RAB38: variants seen among roughly 807,000 people sequenced by gnomAD.
RAB38 encodes RAB38, member RAS oncogene family, also known as ras-related protein Rab-38.
RAB38 carries 15 observed loss-of-function variants against 18.4 expected under a neutral mutation model. The ratio of observed to expected loss-of-function variants is 0.82; its 90% CI spans 0.55 to 1.26. The LOEUF (loss-of-function observed/expected upper bound fraction) is 1.26. RAB38 is among the 50% of genes most tolerant of loss of function. The probability of loss-of-function intolerance (pLI) is 0.00; values close to 1 mark genes in which losing one functional copy is unlikely to be tolerated. For missense variants in RAB38, 294 were observed against 267.4 expected (o/e 1.10, Z -0.69); for synonymous variants, 101 against 104.4 (o/e 0.97, Z 0.20).
At chr11:88,095,577 G>A in the RAB38 span, among the ~76,000 whole-genome samples, 1 of 151,742 alleles carries the variant, frequency 6.6e-6, no homozygotes, top group Non-Finnish European at 1.5e-5. Context: ...GTCAATCCTT[G>A]AATTCTTTCT....
At chr11:87,916,659 A>G in the RAB38 span, among the ~76,000 whole-genome samples, 2 of 152,148 alleles carry the variant, frequency 1.3e-5, no homozygotes, top group African/African-American at 4.8e-5. Flanking sequence ...TGTTATAGCA[A>G]TACAGAACAG....
chr11:88,125,896 G>A (rs1489081677), intron 2 of RAB38, among the ~76,000 whole-genome samples: 1 of 152,150 alleles, frequency 6.6e-6, no homozygotes, highest in East Asian at 1.9e-4. Context: ...TTTTGTATAA[G>A]GTGTAAGGAA....
chr11:88,143,195 C>A (rs1405189048), intron 2 of RAB38, among the ~76,000 whole-genome samples: 1 of 152,164 alleles, frequency 6.6e-6, no homozygotes, highest in East Asian at 1.9e-4. Context: ...TTAATTGCTT[C>A]ATCTGTGAAC....
the RAB38 span, among the ~76,000 whole-genome samples, chr11:88,011,999 T>A: frequency 1.3e-5 from 2 of 152,184 alleles, no homozygotes; most frequent in Non-Finnish European, 2.9e-5. Context: ...TCTATATCCC[T>A]TCCTTAAGTT....
the RAB38 span, among the ~76,000 whole-genome samples, chr11:87,967,803 A>G: frequency 6.6e-6 from 1 of 152,178 alleles, no homozygotes; most frequent in African/African-American, 2.4e-5. Context: ...TTCGAAAATA[A>G]TGTTGTCTTC....
At chr11:87,941,395 C>G in the RAB38 span, among the ~76,000 whole-genome samples, 1 of 151,358 alleles carries the variant, frequency 6.6e-6, no homozygotes, top group Non-Finnish European at 1.5e-5. Context: ...CTAGTTGGAA[C>G]ATTTTCTTTT....
intron 1 of RAB38, among the ~76,000 whole-genome samples, chr11:88,169,107 G>C (rs565947784): frequency 1.3e-5 from 2 of 152,302 alleles, no homozygotes; most frequent in Admixed American, 1.3e-4. Flanking sequence ...CTGGTCTATG[G>C]CAGTGGGAAA....
chr11:87,919,558 T>G, the RAB38 span, among the ~76,000 whole-genome samples: 1 of 151,330 alleles, frequency 6.6e-6, no homozygotes, highest in African/African-American at 2.4e-5. Flanking sequence ...GGCCTGTAAT[T>G]TTTTTTTTCC....
chr11:87,976,080 CA>C, the RAB38 span, among the ~76,000 whole-genome samples: 1 of 150,236 alleles, frequency 6.7e-6, no homozygotes, highest in African/African-American at 2.4e-5. Flanking sequence ...ATTTCCCCCT[CA>C]AAAAAGTCTG....
chr11:87,961,018 C>T, the RAB38 span, among the ~76,000 whole-genome samples: 2 of 152,166 alleles, frequency 1.3e-5, no homozygotes, highest in East Asian at 1.9e-4. Context: ...AAGTAAAAGG[C>T]AGCTTTAAAC....
the RAB38 span, among the ~76,000 whole-genome samples, chr11:88,028,728 G>A: frequency 4.6e-5 from 7 of 152,194 alleles, no homozygotes; most frequent in Non-Finnish European, 1.0e-4. Flanking sequence ...ATGGGACTAT[G>A]TGAAAAGACC....
At chr11:87,873,152 G>A in the RAB38 span, among the ~76,000 whole-genome samples, 14 of 151,484 alleles carry the variant, frequency 9.2e-5, no homozygotes, top group Non-Finnish European at 8.9e-5. Context: ...TAACAGGTAC[G>A]TAATAATATC....
chr11:87,859,303 A>G, the RAB38 span, among the ~76,000 whole-genome samples: 1 of 152,024 alleles, frequency 6.6e-6, no homozygotes, highest in East Asian at 1.9e-4. Context: ...TTGACTTAAA[A>G]CCTTGGTATG....
chr11:87,951,611 T>TAACA, the RAB38 span, among the ~76,000 whole-genome samples: 5 of 152,208 alleles, frequency 3.3e-5, no homozygotes, highest in African/African-American at 1.2e-4. Flanking sequence ...GTTTTCCTTC[T>TAACA]AACAGACAGG....
the RAB38 span, among the ~76,000 whole-genome samples, chr11:87,821,726 C>T: frequency 2.0e-5 from 3 of 151,820 alleles, no homozygotes; most frequent in Non-Finnish European, 4.4e-5. Flanking sequence ...TGGTGGGTAC[C>T]TGTAATCTCA....
intron 2 of RAB38, among the ~76,000 whole-genome samples, chr11:88,145,014 T>C (rs541222603): frequency 6.6e-6 from 1 of 152,176 alleles, no homozygotes; most frequent in South Asian, 2.1e-4. Context: ...ATGGCTGTTG[T>C]GTGCATCACG....
At chr11:88,161,560 CTTA>C (rs1943189978) in intron 1 of RAB38, among the ~76,000 whole-genome samples, 1 of 152,160 alleles carries the variant, frequency 6.6e-6, no homozygotes, top group Middle Eastern at 3.4e-3. Context: ...AAACCCGAGG[CTTA>C]TTTCTCCACC....
At chr11:88,018,280 A>C in the RAB38 span, among the ~76,000 whole-genome samples, 1 of 152,232 alleles carries the variant, frequency 6.6e-6, no homozygotes, top group East Asian at 1.9e-4. Flanking sequence ...GTCAACTCTT[A>C]AATTTAGTAC....
chr11:88,125,366 T>C (rs1396245722), intron 2 of RAB38, among the ~76,000 whole-genome samples: 6 of 152,160 alleles, frequency 3.9e-5, no homozygotes, highest in African/African-American at 1.4e-4. Flanking sequence ...CCCATCTCTA[T>C]CTGTAGATCC....
Sources: gnomAD v4.1 joint callset for allele counts (sites outside exome capture counted in the v4.1 genomes callset) on GRCh38, gnomAD v4.1.1 for gene constraint, MANE v1.5 for transcripts, NCBI Gene and HGNC (gene_info 2026-07-23, HGNC 2026-07-21) for gene names.